Variants in KCND2 observed in about 807,000 individuals in gnomAD.
The protein encoded by KCND2 is A-type voltage-gated potassium channel KCND2.
In KCND2, 16 loss-of-function variants were observed where a neutral mutation model predicts 54.4. The observed-to-expected ratio is 0.29, with a 90% CI of 0.20 to 0.45. The LOEUF (loss-of-function observed/expected upper bound fraction) is 0.45. KCND2 is among the 20% of genes least tolerant of loss of function. KCND2 has a pLI of 1.00. For synonymous variants in KCND2, 317 were observed against 310.7 expected, an observed-to-expected ratio of 1.02 and a Z score of -0.21; for missense variants, 486 against 824.2, an observed-to-expected ratio of 0.59 and a Z score of 5.02.
intron 1 of KCND2, among the ~76,000 whole-genome samples, chr7:120,396,769 G>T (rs536338303): frequency 6.6e-6 from 1 of 152,070 alleles, no homozygotes; most frequent in Non-Finnish European, 1.5e-5. Context: ...AATGGTAAAA[G>T]CAAGAACTCT....
At chr7:120,350,366 T>C (rs1438138103) in intron 1 of KCND2, among the ~76,000 whole-genome samples, 1 of 152,162 alleles carries the variant, frequency 6.6e-6, no homozygotes, top group Non-Finnish European at 1.5e-5. Flanking sequence ...ACATTTCTTA[T>C]GCCTTATAAT....
chr7:120,727,855 G>A (rs1584898366), intron 1 of KCND2, among the ~76,000 whole-genome samples: 1 of 152,114 alleles, frequency 6.6e-6, no homozygotes, highest in South Asian at 2.1e-4. Context: ...AGTATGGGGG[G>A]CCGGGCACGG....
intron 1 of KCND2, among the ~76,000 whole-genome samples, chr7:120,362,940 A>G (rs2116402944): frequency 6.6e-6 from 1 of 152,090 alleles, no homozygotes; most frequent in African/African-American, 2.4e-5. Context: ...GGGAGGTAGG[A>G]GTATAGCTGG....
At chr7:120,503,826 A>C (rs1290670134) in intron 1 of KCND2, among the ~76,000 whole-genome samples, 1 of 152,000 alleles carries the variant, frequency 6.6e-6, no homozygotes, top group Admixed American at 6.6e-5. Context: ...TAGAATACAA[A>C]ATAATGAATA....
intron 1 of KCND2, among the ~76,000 whole-genome samples, chr7:120,292,861 T>A (rs569153792): frequency 5.3e-5 from 8 of 151,864 alleles, no homozygotes; most frequent in Non-Finnish European, 8.8e-5. Context: ...CAAACTTTTG[T>A]TGTATAATGT....
intron 1 of KCND2, among the ~76,000 whole-genome samples, chr7:120,300,516 A>T (rs1163794535): frequency 6.6e-6 from 1 of 152,104 alleles, no homozygotes; most frequent in Non-Finnish European, 1.5e-5. Context: ...TCTGAAGCAT[A>T]TTGTTTGTGT....
intron 1 of KCND2, among the ~76,000 whole-genome samples, chr7:120,432,029 A>G (rs559628949): frequency 6.6e-6 from 1 of 152,224 alleles, no homozygotes; most frequent in Non-Finnish European, 1.5e-5. Flanking sequence ...TCCATTAAAT[A>G]TATGCTCATG....
chr7:120,623,497 A>G (rs1474986750), intron 1 of KCND2, among the ~76,000 whole-genome samples: 2 of 152,130 alleles, frequency 1.3e-5, no homozygotes, highest in South Asian at 2.1e-4. Flanking sequence ...CCAACTTCAT[A>G]CCTAGGGATC....
chr7:120,531,431 G>T (rs547546700), intron 1 of KCND2, among the ~76,000 whole-genome samples: 9 of 152,106 alleles, frequency 5.9e-5, no homozygotes, highest in African/African-American at 2.2e-4. Context: ...TGCACTTAAA[G>T]TCCTTGTGCT....
intron 1 of KCND2, among the ~76,000 whole-genome samples, chr7:120,403,750 C>T (rs1228139802): frequency 2.0e-5 from 3 of 151,760 alleles, no homozygotes; most frequent in Non-Finnish European, 2.9e-5. Context: ...ATTTATATAA[C>T]AACACATATG....
At chr7:120,747,530 A>ATC in intron 5 of KCND2, 151 bp from the exon 6 acceptor site, 1 of 614,610 alleles carries the variant, frequency 1.6e-6, no homozygotes, top group Non-Finnish European at 2.8e-6. Flanking sequence ...TTTAACATAG[A>ATC]TTAAGATTTG....
chr7:120,657,312 A>G (rs1249145807), intron 1 of KCND2, among the ~76,000 whole-genome samples: 1 of 152,162 alleles, frequency 6.6e-6, no homozygotes, highest in Non-Finnish European at 1.5e-5. Context: ...TAAGCAGATG[A>G]CTTTCTCATA....
intron 1 of KCND2, among the ~76,000 whole-genome samples, chr7:120,494,591 A>G (rs1278834344): frequency 6.6e-6 from 1 of 152,162 alleles, no homozygotes; most frequent in African/African-American, 2.4e-5. Context: ...TGTTTCTAGA[A>G]AAAGCCTCTT....
intron 1 of KCND2, among the ~76,000 whole-genome samples, chr7:120,372,378 C>T (rs1414692658): frequency 1.3e-5 from 2 of 151,744 alleles, no homozygotes; most frequent in African/African-American, 4.8e-5. Context: ...GCAGAATTCT[C>T]TCATAAACGG....
chr7:120,483,993 A>T (rs1323777548), intron 1 of KCND2, among the ~76,000 whole-genome samples: 1 of 151,934 alleles, frequency 6.6e-6, no homozygotes, highest in East Asian at 1.9e-4. Context: ...TGCTGAAGAG[A>T]AAAAAAAGCT....
intron 1 of KCND2, among the ~76,000 whole-genome samples, chr7:120,537,208 A>C (rs907699078): frequency 6.6e-6 from 1 of 152,222 alleles, no homozygotes; most frequent in African/African-American, 2.4e-5. Flanking sequence ...CATTTCTCTC[A>C]GAGCTCTTGG....
intron 1 of KCND2, among the ~76,000 whole-genome samples, chr7:120,390,370 C>A (rs868182446): frequency 1.3e-5 from 2 of 151,922 alleles, no homozygotes; most frequent in South Asian, 4.1e-4. Flanking sequence ...TGATTTCCAT[C>A]ATTTACGGAG....
intron 1 of KCND2, among the ~76,000 whole-genome samples, chr7:120,388,845 TTATAA>T (rs928292322): frequency 2.0e-5 from 3 of 150,640 alleles, no homozygotes; most frequent in Non-Finnish European, 4.4e-5. Context: ...ACTGAAAATT[TTATAA>T]TATGTTATAT....
chr7:120,454,056 C>G (rs28855094), intron 1 of KCND2, among the ~76,000 whole-genome samples: 38,468 of 152,126 alleles, frequency 0.25, 6,641 homozygotes, highest in East Asian at 0.56. Flanking sequence ...TGCACTCCAG[C>G]CTGGGTGACA....
Sources: gnomAD v4.1 joint callset for allele counts (sites outside exome capture counted in the v4.1 genomes callset) on GRCh38, gnomAD v4.1.1 for gene constraint, MANE v1.5 for transcripts, NCBI Gene and HGNC (gene_info 2026-07-23, HGNC 2026-07-21) for gene names.